PCDHA1: variants seen among roughly 807,000 people sequenced by gnomAD.
PCDHA1 encodes protocadherin alpha-1.
Under a neutral mutation model 61.3 loss-of-function variants are expected in PCDHA1, and 42 were observed. The ratio of observed to expected loss-of-function variants is 0.69; its 90% confidence interval spans 0.54 to 0.89. The LOEUF (loss-of-function observed/expected upper bound fraction) is 0.89. Ranked by LOEUF, PCDHA1 falls within the 40% of genes least tolerant of loss-of-function variation. The pLI is 0.00. For missense variants in PCDHA1, 1,256 were observed against 1,235.3 expected (o/e 1.02, Z -0.25); for synonymous variants, 610 against 553.8 (o/e 1.10, Z -1.43).
At chr5:140,817,794 G>T (rs1031395082) in intron 1 of PCDHA1, among the ~76,000 whole-genome samples, 2 of 152,282 alleles carry the variant, frequency 1.3e-5, no homozygotes, top group East Asian at 3.9e-4. Context: ...TGCTGGTAAA[G>T]AAACCTTTAC....
intron 1 of PCDHA1, among the ~76,000 whole-genome samples, chr5:140,872,710 A>G (rs563009592): frequency 6.5e-4 from 99 of 152,384 alleles, no homozygotes; most frequent in African/African-American, 1.9e-3. Flanking sequence ...AAAGGAAACT[A>G]GGTAAATAAA....
intron 1 of PCDHA1, chr5:140,803,960 T>C (rs1030150436): frequency 4.2e-5 from 14 of 336,202 alleles, no homozygotes; most frequent in Non-Finnish European, 7.0e-5. Flanking sequence ...CAATATCTTT[T>C]GCCACTTTTC....
intron 2 of PCDHA1, 146 bp downstream of exon 2, chr5:140,979,153 G>A (rs2096837239): frequency 2.8e-6 from 4 of 1,434,028 alleles, no homozygotes; most frequent in Non-Finnish European, 2.7e-6. Context: ...TTGTCCCCAT[G>A]TTTATTCCTT....
intron 1 of PCDHA1, chr5:140,877,658 T>G: frequency 6.2e-7 from 1 of 1,613,486 alleles, no homozygotes. Context: ...CCGCCCACCG[T>G]GAGCCGGTGC....
At chr5:140,968,228 C>T in intron 1 of PCDHA1, 1 of 1,614,010 alleles carries the variant, frequency 6.2e-7, no homozygotes, top group East Asian at 2.2e-5. Flanking sequence ...AGGTGTGTTG[C>T]TCTGTACTGT....
intron 1 of PCDHA1, among the ~76,000 whole-genome samples, chr5:140,826,832 G>C (rs2150145487): frequency 6.6e-6 from 1 of 152,082 alleles, no homozygotes; most frequent in South Asian, 2.1e-4. Context: ...GTTACTAGAA[G>C]TTTCTCAAGT....
At chr5:140,901,599 A>G (rs1196199794) in intron 1 of PCDHA1, among the ~76,000 whole-genome samples, 2 of 152,132 alleles carry the variant, frequency 1.3e-5, no homozygotes, top group South Asian at 2.1e-4. Flanking sequence ...TTTGGTTACT[A>G]TATCTCTATG....
intron 3 of PCDHA1, among the ~76,000 whole-genome samples, chr5:140,994,539 CA>C (rs35651294): frequency 0.48 from 72,467 of 151,372 alleles, 18,531 homozygotes; most frequent in African/African-American, 0.67. Flanking sequence ...CCCATCTCTA[CA>C]AAAAAAATAT....
chr5:140,834,378 T>C, intron 1 of PCDHA1: 1 of 1,562,858 alleles, frequency 6.4e-7, no homozygotes, highest in Non-Finnish European at 8.7e-7. Context: ...AAGCCAATAA[T>C]TTGAAATGGT....
intron 1 of PCDHA1, among the ~76,000 whole-genome samples, chr5:140,909,299 T>G (rs561949225): frequency 6.6e-6 from 1 of 152,320 alleles, no homozygotes; most frequent in Non-Finnish European, 1.5e-5. Flanking sequence ...TGGACAGGAA[T>G]GGAGAAAAAG....
intron 1 of PCDHA1, chr5:140,856,703 C>A (rs1413055800): frequency 1.9e-6 from 3 of 1,596,568 alleles, no homozygotes; most frequent in Admixed American, 1.7e-5. Context: ...TGGAGGCAAA[C>A]CTGAATTTAC....
intron 1 of PCDHA1, among the ~76,000 whole-genome samples, chr5:140,954,191 G>C (rs201162017): frequency 2.0e-5 from 3 of 152,150 alleles, no homozygotes; most frequent in Non-Finnish European, 4.4e-5. Flanking sequence ...TCATTGATGG[G>C]CATTTGGGTT....
intron 1 of PCDHA1, among the ~76,000 whole-genome samples, chr5:140,937,317 G>A (rs1282380622): frequency 1.3e-5 from 2 of 152,048 alleles, no homozygotes; most frequent in Non-Finnish European, 2.9e-5. Context: ...GATTACAGGC[G>A]TGAGCCACCG....
intron 3 of PCDHA1, among the ~76,000 whole-genome samples, chr5:140,983,223 C>T (rs2153830857): frequency 6.6e-6 from 1 of 152,270 alleles, no homozygotes; most frequent in Admixed American, 6.5e-5. Context: ...CTAATCCAAA[C>T]TTTCAGGAAA....
chr5:140,966,990 G>A, intron 1 of PCDHA1: 1 of 1,604,280 alleles, frequency 6.2e-7, no homozygotes, highest in Non-Finnish European at 8.5e-7. Context: ...TTGGGGCCGG[G>A]TTGCTTGCGC....
At chr5:140,898,003 G>A (rs2066458535) in intron 1 of PCDHA1, among the ~76,000 whole-genome samples, 1 of 152,152 alleles carries the variant, frequency 6.6e-6, no homozygotes, top group Non-Finnish European at 1.5e-5. Context: ...AGAAGTGTCT[G>A]TTCATATCCT....
intron 1 of PCDHA1, among the ~76,000 whole-genome samples, chr5:140,881,872 A>C (rs907896928): frequency 6.6e-6 from 1 of 152,240 alleles, no homozygotes; most frequent in South Asian, 2.1e-4. Context: ...TTGTGGCAAA[A>C]TGAAACTCAT....
chr5:140,871,427 T>C (rs782140666), intron 1 of PCDHA1: 1 of 1,613,326 alleles, frequency 6.2e-7, no homozygotes, highest in South Asian at 1.1e-5. Context: ...AGCCCCAGTC[T>C]TCCTCTAGGT....
chr5:140,858,537 C>T (rs1485044907), intron 1 of PCDHA1: 2 of 1,400,036 alleles, frequency 1.4e-6, no homozygotes, highest in Non-Finnish European at 2.0e-6. Flanking sequence ...TTTTTGTCTA[C>T]ATTCCATTTA....
Sources: allele counts gnomAD v4.1 joint callset (sites outside exome capture counted in the v4.1 genomes callset), GRCh38; gene constraint gnomAD v4.1.1; transcripts MANE v1.5; gene names NCBI Gene and HGNC (gene_info 2026-07-23, HGNC 2026-07-21).